The following SRGAP3 variants were observed in gnomAD, a reference collection of about 807,000 sequenced individuals.
SRGAP3 encodes SLIT-ROBO Rho GTPase-activating protein 3.
Under a neutral mutation model 121.1 loss-of-function variants are expected in SRGAP3, and 39 were observed. The ratio of observed to expected loss-of-function variants is 0.32; its 90% CI spans 0.25 to 0.42. SRGAP3 has a LOEUF of 0.42. Among genes scored for constraint, SRGAP3 ranks in the 10% least tolerant of loss-of-function variants. SRGAP3 has a pLI of 1.00. For missense variants in SRGAP3, 1,213 were observed against 1,470.6 expected (o/e 0.82, Z 2.86); for synonymous variants, 601 against 570.0 (o/e 1.05, Z -0.77).
At chr3:9,143,929 T>G (rs1575139414) in intron 1 of SRGAP3, among the ~76,000 whole-genome samples, 2 of 152,196 alleles carry the variant, frequency 1.3e-5, no homozygotes, top group Middle Eastern at 6.8e-3. Context: ...GCCCAACACT[T>G]CTTCTAAATT....
intron 1 of SRGAP3, among the ~76,000 whole-genome samples, chr3:9,359,625 A>G (rs892312047): frequency 6.6e-6 from 1 of 152,228 alleles, no homozygotes; most frequent in African/African-American, 2.4e-5. Flanking sequence ...CCTCTCTGGA[A>G]TAGATGCCTT....
chr3:9,210,515 A>C (rs188988402), intron 1 of SRGAP3, among the ~76,000 whole-genome samples: 1 of 152,014 alleles, frequency 6.6e-6, no homozygotes, highest in East Asian at 1.9e-4. Flanking sequence ...AAATAGAATA[A>C]TGTAGATCAA....
At chr3:9,078,119 A>G (rs1947058566) in intron 4 of SRGAP3, among the ~76,000 whole-genome samples, 2 of 152,206 alleles carry the variant, frequency 1.3e-5, no homozygotes, top group Admixed American at 6.5e-5. Context: ...AAAAATGAGC[A>G]TGACACTAAC....
At chr3:9,207,259 G>A (rs1952296779) in intron 1 of SRGAP3, among the ~76,000 whole-genome samples, 1 of 152,204 alleles carries the variant, frequency 6.6e-6, no homozygotes, top group South Asian at 2.1e-4. Flanking sequence ...TTCAGTTCCT[G>A]CAAGCCGGTT....
intron 12 of SRGAP3, among the ~76,000 whole-genome samples, chr3:9,030,044 C>T (rs1364847884): frequency 6.6e-6 from 1 of 151,952 alleles, no homozygotes; most frequent in Non-Finnish European, 1.5e-5. Flanking sequence ...CCCAGCTACT[C>T]GGGAGGCTGA....
At chr3:9,227,499 G>C (rs1953032741) in intron 1 of SRGAP3, among the ~76,000 whole-genome samples, 1 of 152,204 alleles carries the variant, frequency 6.6e-6, no homozygotes, top group African/African-American at 2.4e-5. Flanking sequence ...CTGAGGCATA[G>C]AGAGGGGAGA....
At chr3:9,111,746 C>T (rs1948631487) in intron 2 of SRGAP3, among the ~76,000 whole-genome samples, 1 of 152,186 alleles carries the variant, frequency 6.6e-6, no homozygotes, top group African/African-American at 2.4e-5. Flanking sequence ...CCAGCAGCCA[C>T]TTTTGTCTTC....
intron 1 of SRGAP3, among the ~76,000 whole-genome samples, chr3:9,143,557 A>G (rs1949930537): frequency 6.6e-6 from 1 of 152,258 alleles, no homozygotes; most frequent in South Asian, 2.1e-4. Context: ...AGTACTCCAT[A>G]ATAGAATATA....
upstream of SRGAP3, among the ~76,000 whole-genome samples, chr3:9,252,532 T>C (rs80344266): frequency 1.3e-5 from 2 of 151,912 alleles, no homozygotes; most frequent in Non-Finnish European, 2.9e-5. Context: ...TCTCCACAGA[T>C]ACCCAGATTG....
chr3:9,168,288 C>T (rs1194963218), intron 1 of SRGAP3, among the ~76,000 whole-genome samples: 3 of 152,230 alleles, frequency 2.0e-5, no homozygotes, highest in African/African-American at 7.2e-5. Context: ...TCCTAAAGCC[C>T]CATTTTTGCC....
At chr3:9,136,050 A>T (rs1421413571) in intron 1 of SRGAP3, among the ~76,000 whole-genome samples, 3 of 152,182 alleles carry the variant, frequency 2.0e-5, no homozygotes, top group African/African-American at 7.2e-5. Context: ...AGTGTTTCCC[A>T]GGCGCCATCT....
rs1054984961 is a variant in SRGAP3, at chr3:9,123,928, A to T, written c.260+797T>A. Among the ~76,000 whole-genome samples the T allele has an allele frequency of 2.0e-5, 3 of 151,808 alleles. No individual in the cohort carries two copies. The East Asian group carries it at 5.8e-4, about 29-fold the overall frequency. On this transcript the variant is annotated intron_variant, in intron 2 of 21. Transcript: ENST00000383836. ...GAGAGATGACCCAAGGAGAAGGGAG[A>T]GTCCAGGAAGCATGGCTGAAGGAGA...
intron 2 of SRGAP3, among the ~76,000 whole-genome samples, chr3:9,119,822 C>G (rs1245156736): frequency 1.3e-5 from 2 of 152,258 alleles, no homozygotes; most frequent in African/African-American, 4.8e-5. Context: ...GCCCGGCCTA[C>G]TAGCCGTCCC....
chr3:9,313,898 G>A (rs557623822), intron 3 of SRGAP3, among the ~76,000 whole-genome samples: 53 of 152,128 alleles, frequency 3.5e-4, no homozygotes, highest in African/African-American at 1.2e-3. Context: ...GAAGGTTGAG[G>A]TGGGAGAATC....
intron 1 of SRGAP3, among the ~76,000 whole-genome samples, chr3:9,345,571 C>T (rs1575022568): frequency 6.6e-6 from 1 of 151,222 alleles, no homozygotes; most frequent in African/African-American, 2.4e-5. Flanking sequence ...TCACTTGAGG[C>T]CAGGAGTTTA....
At chr3:9,211,665 C>CTTTT (rs1193329370) in intron 1 of SRGAP3, among the ~76,000 whole-genome samples, 23 of 121,122 alleles carry the variant, frequency 1.9e-4, no homozygotes, top group South Asian at 2.7e-4. Context: ...TCTTTCTTTT[C>CTTTT]TTTTTTTTTT....
In SRGAP3 at chr3:9,027,005, A is replaced by G. The variant is rs773312613; in HGVS notation, c.1540-10T>C. 3.1e-6 allele frequency: 5 copies of G among 1,614,160 alleles called. No individual in the cohort carries two copies. The East Asian group carries it at 8.9e-5, about 29-fold the overall frequency. Reference sequence around the variant, plus strand: ...TAGCTTGTCCTGAATCCTTGAGAAAAGAAAAATTGTGAGTTTTATGGGGCT... The same window carrying G: ...TAGCTTGTCCTGAATCCTTGAGAAAGGAAAAATTGTGAGTTTTATGGGGCT... On this transcript the variant is annotated splice_polypyrimidine_tract_variant and intron_variant, in intron 12 of 21. Transcript: ENST00000383836.
intron 1 of SRGAP3, among the ~76,000 whole-genome samples, chr3:9,202,781 C>T (rs1429387784): frequency 1.3e-5 from 2 of 152,264 alleles, no homozygotes; most frequent in African/African-American, 4.8e-5. Flanking sequence ...GGAGTCCATG[C>T]CCCATGCCAG....
At chr3:9,042,813 G>T (rs1487914187) in intron 10 of SRGAP3, among the ~76,000 whole-genome samples, 1 of 152,198 alleles carries the variant, frequency 6.6e-6, no homozygotes, top group Admixed American at 6.5e-5. Flanking sequence ...AACAAGGAGT[G>T]TTGATTTCCT....
Sources: gnomAD v4.1 joint callset for allele counts (sites outside exome capture counted in the v4.1 genomes callset) on GRCh38, gnomAD v4.1.1 for gene constraint, MANE v1.5 for transcripts, NCBI Gene and HGNC (gene_info 2026-07-23, HGNC 2026-07-21) for gene names.